Variants in ATP6V1B2 observed in about 807,000 individuals in gnomAD.
ATP6V1B2 encodes the protein V-type proton ATPase subunit B, brain isoform.
In ATP6V1B2, 23 loss-of-function variants were observed where a neutral mutation model predicts 66.7. The observed-to-expected ratio is 0.34, with a 90% CI of 0.25 to 0.49. ATP6V1B2 has a LOEUF of 0.49. Ranked by LOEUF, ATP6V1B2 falls within the 20% of genes least tolerant of loss-of-function variation. ATP6V1B2 has a pLI of 0.99. For missense variants in ATP6V1B2, 478 were observed against 650.8 expected (o/e 0.73, Z 2.89); for synonymous variants, 278 against 236.7 (o/e 1.17, Z -1.60).
chr8:20,201,335 T>C (rs181205234), intron 1 of ATP6V1B2, among the ~76,000 whole-genome samples: 4 of 152,344 alleles, frequency 2.6e-5, no homozygotes, highest in African/African-American at 7.2e-5. Flanking sequence ...GAAGGGCAAC[T>C]TAATGTCTTT....
At chr8:20,205,559 T>C (rs1585247322) in intron 2 of ATP6V1B2, among the ~76,000 whole-genome samples, 1 of 152,208 alleles carries the variant, frequency 6.6e-6, no homozygotes, top group Non-Finnish European at 1.5e-5. Flanking sequence ...GTTGTAGTTA[T>C]AGGTGAGGGA....
chr8:20,203,945 T>A (rs1563803897), intron 1 of ATP6V1B2: 1 of 454,702 alleles, frequency 2.2e-6, no homozygotes, highest in Admixed American at 2.4e-5. Flanking sequence ...TAATTGTGGC[T>A]TTTTACCTTG....
intron 1 of ATP6V1B2, among the ~76,000 whole-genome samples, chr8:20,202,228 G>A (rs1462745548): frequency 1.1e-4 from 16 of 152,196 alleles, no homozygotes; most frequent in African/African-American, 3.6e-4. Flanking sequence ...AACCAGTTCA[G>A]TTTTAGAATT....
At chr8:20,212,534 C>G (rs941283047) in intron 8 of ATP6V1B2, among the ~76,000 whole-genome samples, 1 of 152,176 alleles carries the variant, frequency 6.6e-6, no homozygotes. Flanking sequence ...TGTTTCCTCT[C>G]TCTCTCCTTC....
In ATP6V1B2 at chr8:20,212,652, G is replaced by C. The variant is rs370396312; in HGVS notation, c.804-130G>C. ...CTTAAGAATTTGTAAAATAACAACTGCTTTACTCTCCTCAATTCATTTAAA... is the reference window on the plus strand; with the variant it reads ...CTTAAGAATTTGTAAAATAACAACTCCTTTACTCTCCTCAATTCATTTAAA... On this transcript the variant is annotated intron_variant, in intron 8 of 13. Transcript: ENST00000276390. The C allele has an allele frequency of 2.1e-5, 27 of 1,310,330 alleles. No homozygotes were observed. The African/African-American group carries it at 3.7e-4, about 18-fold the overall frequency. 81.2% of individuals were successfully genotyped at this position (1,310,330 alleles called of 1,614,324 possible).
intron 2 of ATP6V1B2, among the ~76,000 whole-genome samples, chr8:20,207,260 T>C (rs4335136): frequency 0.1 from 15,259 of 152,210 alleles, 871 homozygotes; most frequent in Admixed American, 0.16. Context: ...GAACAAAATT[T>C]AGGGCCCTGA....
chr8:20,206,768 C>T (rs748471398), intron 2 of ATP6V1B2, among the ~76,000 whole-genome samples: 4 of 152,054 alleles, frequency 2.6e-5, no homozygotes, highest in Non-Finnish European at 5.9e-5. Flanking sequence ...TCCTTAGCAG[C>T]GGTGATTAGT....
intron 1 of ATP6V1B2, among the ~76,000 whole-genome samples, chr8:20,201,409 G>C (rs1053649564): frequency 6.6e-6 from 1 of 152,160 alleles, no homozygotes; most frequent in Non-Finnish European, 1.5e-5. Flanking sequence ...GAGGAAGGCT[G>C]GATAAATCTA....
At chr8:20,198,432 TGAA>T (rs1428166714) in intron 1 of ATP6V1B2, among the ~76,000 whole-genome samples, 6 of 152,266 alleles carry the variant, frequency 3.9e-5, no homozygotes, top group African/African-American at 1.4e-4. Flanking sequence ...AAGGCCTTAA[TGAA>T]CTAGGTTTAA....
intron 2 of ATP6V1B2, among the ~76,000 whole-genome samples, chr8:20,207,040 T>A (rs760734799): frequency 4.6e-5 from 7 of 152,168 alleles, no homozygotes; most frequent in Non-Finnish European, 8.8e-5. Flanking sequence ...GGATACAGGA[T>A]CAGTTTACAA....
rs752788357 is a variant in ATP6V1B2 at position 20,197,421 on chromosome 8, G to A, written c.15G>A (p.Ala5=). 3 of 1,541,822 alleles carry A rather than the reference G, an allele frequency of 1.9e-6. No homozygotes were observed. Among genetic ancestry groups the A allele is most frequent in the Non-Finnish European group, 2.6e-6 (3 of 1,146,282 alleles). The part of the protein sequence containing the change: MALR[A]MRGIVNGAAP... ...GAGGAGACAAGATGGCGCTGCGGGC[G>A]ATGCGGGGGATTGTCAACGGGGCCG... The change falls in exon 1 of 14, where the codon GCG becomes GCA. Residue 5 remains alanine (A), a synonymous_variant. Transcript: ENST00000276390.
At chr8:20,214,144 G>C (rs2072826072) in intron 9 of ATP6V1B2, 2 of 152,152 alleles carry the variant, frequency 1.3e-5, no homozygotes, top group South Asian at 4.1e-4. Flanking sequence ...TTAGAAGTTG[G>C]ATTTCATAAT....
chr8:20,199,494 C>CTAACAACTAA (rs1254888638), intron 1 of ATP6V1B2, among the ~76,000 whole-genome samples: 5 of 151,872 alleles, frequency 3.3e-5, no homozygotes, highest in Admixed American at 3.3e-4. Flanking sequence ...CATACTTAGG[C>CTAACAACTAA]TAACAACTAA....
chr8:20,208,141 C>G (rs1331873631), intron 2 of ATP6V1B2, among the ~76,000 whole-genome samples: 1 of 152,086 alleles, frequency 6.6e-6, no homozygotes, highest in African/African-American at 2.4e-5. Flanking sequence ...GTTAATTTGG[C>G]AGAAAATGGG....
Position 20,220,558 on chromosome 8 carries a change from C to G in ATP6V1B2, c.*156C>G. The G allele has an allele frequency of 2.8e-6, 3 of 1,080,810 alleles. No individual in the cohort carries two copies. Among genetic ancestry groups the G allele is most frequent in the Non-Finnish European group, 3.7e-6 (3 of 803,082 alleles). The allele number at this position is 1,080,810 out of a possible 1,614,324, so 67.0% of individuals were successfully genotyped here. ...GTAACATATTGTGCCAGTGTTGCAA[C>G]GTTTTAAACTGCTAACAGACCTTAA... On this transcript the variant is annotated 3_prime_UTR_variant, in exon 14 of 14. Coordinates refer to ENST00000276390, the MANE Select transcript of ATP6V1B2 (RefSeq NM_001693.4).
intron 1 of ATP6V1B2, among the ~76,000 whole-genome samples, chr8:20,198,717 A>G (rs1270301763): frequency 6.6e-6 from 1 of 152,192 alleles, no homozygotes; most frequent in African/African-American, 2.4e-5. Context: ...AAGCCTGACT[A>G]ATCCACATCC....
intron 5 of ATP6V1B2, 36 bp from the exon 6 acceptor site, chr8:20,211,141 A>C: frequency 6.3e-7 from 1 of 1,592,452 alleles, no homozygotes. Context: ...ATAATGCGGC[A>C]ACTTGTTGAA....
chr8:20,218,059 T>C, intron 12 of ATP6V1B2, 94 bp from the exon 13 acceptor site: 2 of 1,441,226 alleles, frequency 1.4e-6, no homozygotes, highest in Non-Finnish European at 1.9e-6. Flanking sequence ...TATGGGCTCT[T>C]GTGAGGAGAA....
intron 9 of ATP6V1B2, chr8:20,214,095 C>T (rs1327764568): frequency 6.6e-6 from 1 of 152,148 alleles, no homozygotes; most frequent in Non-Finnish European, 1.5e-5. Flanking sequence ...GTGAGGAGCA[C>T]CGCTGTAGCA....
Sources: allele counts gnomAD v4.1 joint callset (sites outside exome capture counted in the v4.1 genomes callset), GRCh38; gene constraint gnomAD v4.1.1; transcripts MANE v1.5; gene names NCBI Gene and HGNC (gene_info 2026-07-23, HGNC 2026-07-21).